TANGO2: variants seen among roughly 807,000 people sequenced by gnomAD.
TANGO2 encodes the protein transport and Golgi organization protein 2 homolog.
A neutral mutation model predicts 39.1 loss-of-function variants in TANGO2; 26 were observed. The observed-to-expected ratio is 0.67, with a 90% CI of 0.49 to 0.92. The LOEUF is 0.92. TANGO2 is among the 40% of genes least tolerant of loss of function. The pLI is 0.00. For missense variants in TANGO2, 326 were observed against 360.1 expected, an observed-to-expected ratio of 0.91 and a Z score of 0.77; for synonymous variants, 131 against 144.5, an observed-to-expected ratio of 0.91 and a Z score of 0.67.
intron 5 of TANGO2, chr22:20,053,838 C>T: frequency 4.3e-6 from 2 of 467,366 alleles, no homozygotes; most frequent in African/African-American, 1.9e-5. Flanking sequence ...GGCCGGGTGT[C>T]CTCCCTCCCA....
chr22:20,043,044 G>A (rs986798494), intron 2 of TANGO2, among the ~76,000 whole-genome samples: 4 of 152,042 alleles, frequency 2.6e-5, no homozygotes, highest in African/African-American at 7.2e-5. Flanking sequence ...CTGGGCTCCC[G>A]GCATGGAGCC....
At chr22:20,021,065 G>T, upstream of TANGO2, 1 of 152,000 alleles carries the variant, frequency 6.6e-6, no homozygotes, top group South Asian at 2.0e-4. Flanking sequence ...GCTTCGGGCT[G>T]GGCGGTACTG....
At position 20,023,672 on chromosome 22, in the gene TANGO2, G is replaced by A. The variant is rs531950135; in HGVS notation, c.-40+2426G>A. On this transcript the variant is annotated intron_variant, in intron 1 of 8. Coordinates refer to ENST00000327374, the MANE Select transcript of TANGO2 (RefSeq NM_152906.7). ...GATCGAGACCATCCTGGCTAACACG[G>A]TGAAACCCCGTCTCTACTAAAAATA... Among the ~76,000 whole-genome samples the A allele has an allele frequency of 2.9e-3, 446 of 151,492 alleles. 2 individuals carry two copies. The highest frequency in any genetic ancestry group is 5.0e-3 in the Non-Finnish European group (337 of 67,904).
chr22:20,061,721 C>T lies in TANGO2; in HGVS notation c.605+38C>T, dbSNP rs2286481. ...GTCCTGCTGGGGTGAGCCCCAGTGT[C>T]CCGCCACCAGGGCAGAGGGAAAGGC... On this transcript the variant is annotated intron_variant, in intron 7 of 8. Coordinates refer to ENST00000327374, the MANE Select transcript of TANGO2 (RefSeq NM_152906.7). 0.037 allele frequency: 55,629 copies of T among 1,513,040 alleles called. 1,501 individuals carry two copies. The highest frequency in any genetic ancestry group is 0.093 in the East Asian group (3,685 of 39,782). The allele number at this position is 1,513,040 out of a possible 1,614,324, so 93.7% of individuals were successfully genotyped here.
chr22:20,023,400 G>T (rs55725292), intron 1 of TANGO2, among the ~76,000 whole-genome samples: 2 of 152,122 alleles, frequency 1.3e-5, no homozygotes, highest in Non-Finnish European at 2.9e-5. Context: ...AGGGCCTGAG[G>T]ATGGGGCCAC....
intron 1 of TANGO2, among the ~76,000 whole-genome samples, chr22:20,025,516 G>A (rs1046331561): frequency 3.3e-5 from 5 of 152,088 alleles, no homozygotes; most frequent in African/African-American, 4.8e-5. Context: ...CACAGCTACC[G>A]TCCATATCAC....
intron 3 of TANGO2, among the ~76,000 whole-genome samples, chr22:20,050,044 T>TA (rs1416303576): frequency 6.6e-6 from 1 of 151,794 alleles, no homozygotes; most frequent in African/African-American, 2.4e-5. Flanking sequence ...CTGTCTCTAC[T>TA]AAAAAAATAT....
upstream of TANGO2, among the ~76,000 whole-genome samples, chr22:20,020,680 A>AGGTG (rs1241973383): frequency 6.6e-6 from 1 of 152,030 alleles, no homozygotes. Context: ...CCAGGTCCAG[A>AGGTG]GGTGGGGTTG....
intron 1 of TANGO2, among the ~76,000 whole-genome samples, chr22:20,035,299 C>T (rs1000880530): frequency 6.6e-6 from 1 of 152,268 alleles, no homozygotes; most frequent in Admixed American, 6.5e-5. Context: ...GGCACATACA[C>T]TGAGCCCTCT....
intron 1 of TANGO2, among the ~76,000 whole-genome samples, chr22:20,034,345 A>G (rs2042444817): frequency 6.6e-6 from 1 of 152,184 alleles, no homozygotes; most frequent in African/African-American, 2.4e-5. Flanking sequence ...ATGTACGGTT[A>G]TCTTTCTGCT....
chr22:20,063,618 T>A (rs973834156), intron 8 of TANGO2, 176 bp downstream of exon 8: 1 of 619,676 alleles, frequency 1.6e-6, no homozygotes, highest in African/African-American at 1.9e-5. Context: ...TACCACAGGC[T>A]CCCGGGGCCC....
In TANGO2 at chr22:20,026,242, A is replaced by G. The variant is rs1601822351; in HGVS notation, c.-40+4996A>G. 3.9e-5 allele frequency among the ~76,000 whole-genome samples: 6 copies of G among 152,356 alleles called. No individual in the cohort carries two copies. The South Asian group carries it at 1.2e-3, about 32-fold the overall frequency. On this transcript the variant is annotated intron_variant, in intron 1 of 8. Coordinates refer to ENST00000327374, the MANE Select transcript of TANGO2 (RefSeq NM_152906.7). Reference sequence around the variant, plus strand: ...GTGAAAACCTGTCTTTACTAAAAATACAAAAATTAGCCAGGCATGGTGGCA... The same window carrying G: ...GTGAAAACCTGTCTTTACTAAAAATGCAAAAATTAGCCAGGCATGGTGGCA...
At position 20,061,672 on chromosome 22, in the gene TANGO2, C is replaced by T. The variant is rs2048409086; in HGVS notation, c.594C>T (p.Asn198=). The T allele has an allele frequency of 1.3e-6, 2 of 1,551,764 alleles. No individual in the cohort carries two copies. Among genetic ancestry groups the T allele is most frequent in the East Asian group, 2.4e-5 (1 of 41,422 alleles). ...TCGCCAGCCTCCTGGATGTGCTCAA[C>T]AATGAAGAGGCGTGAGTGGGCGGGT... ...VLIASLLDVL[N]NEEAQLPDPA... is the part of the protein sequence containing the mutation. Residue 198 remains asparagine, a synonymous_variant, in exon 7 of 9, where the codon AAC becomes AAT. Transcript: ENST00000327374.
At chr22:20,061,376 TG>T in intron 6 of TANGO2, 153 bp from the exon 7 acceptor site, 1 of 837,140 alleles carries the variant, frequency 1.2e-6, no homozygotes, top group Non-Finnish European at 1.8e-6. Context: ...GGAATGAGCA[TG>T]GGGAAGGAGC....
chr22:20,036,970 C>T (rs1482788349), intron 2 of TANGO2, 116 bp downstream of exon 2: 4 of 1,609,970 alleles, frequency 2.5e-6, no homozygotes, highest in African/African-American at 1.3e-5. Flanking sequence ...CGGGGCTGCA[C>T]AGGCCTGGCA....
chr22:20,024,870 G>C (rs554849792), intron 1 of TANGO2, among the ~76,000 whole-genome samples: 2 of 152,172 alleles, frequency 1.3e-5, no homozygotes, highest in East Asian at 3.9e-4. Context: ...TCCAGGTGTG[G>C]TGTTGCTGCG....
chr22:20,021,690 C>G (rs777699744), intron 1 of TANGO2, among the ~76,000 whole-genome samples: 1 of 152,244 alleles, frequency 6.6e-6, no homozygotes, highest in Non-Finnish European at 1.5e-5. Context: ...CCCCCACCCC[C>G]AACTCCAGAG....
chr22:20,062,747 G>A (rs922395712), intron 7 of TANGO2, among the ~76,000 whole-genome samples: 4 of 151,972 alleles, frequency 2.6e-5, no homozygotes, highest in Non-Finnish European at 5.9e-5. Flanking sequence ...CAGGGAGCTT[G>A]TATGTGCCAT....
intron 1 of TANGO2, among the ~76,000 whole-genome samples, chr22:20,034,464 A>G (rs4819857): frequency 0.39 from 59,100 of 152,042 alleles, 13,755 homozygotes; most frequent in Non-Finnish European, 0.51. Context: ...GGATGAAGGT[A>G]TCTTTCTCCA....
Sources: gnomAD v4.1 joint callset for allele counts (sites outside exome capture counted in the v4.1 genomes callset) on GRCh38, gnomAD v4.1.1 for gene constraint, MANE v1.5 for transcripts, NCBI Gene and HGNC (gene_info 2026-07-23, HGNC 2026-07-21) for gene names.